Variants in HYAL4 observed in about 807,000 individuals in gnomAD.
The protein encoded by HYAL4 is hyaluronidase-4.
HYAL4 carries 37 observed loss-of-function variants against 35.2 expected under a neutral mutation model. The observed-to-expected ratio is 1.05, with a 90% CI of 0.81 to 1.38. HYAL4 has a LOEUF of 1.38. HYAL4 is among the 40% of genes most tolerant of loss of function. The pLI, the probability that HYAL4 is intolerant of heterozygous loss-of-function variation, is 0.00. For missense variants in HYAL4, 572 were observed against 572.4 expected (o/e 1.00, Z 0.01); for synonymous variants, 198 against 203.2 (o/e 0.97, Z 0.22).
chr7:123,854,891 G>C (rs1348649267), intron 2 of HYAL4, among the ~76,000 whole-genome samples: 6 of 152,188 alleles, frequency 3.9e-5, no homozygotes. Flanking sequence ...TTTGCTTTAT[G>C]AATCTGGGTG....
intron 3 of HYAL4, among the ~76,000 whole-genome samples, chr7:123,873,931 TA>T (rs1410838491): frequency 1.3e-5 from 2 of 152,114 alleles, no homozygotes; most frequent in African/African-American, 4.8e-5. Flanking sequence ...GGGACAAATA[TA>T]AAAGCTGGAC....
the HYAL4 span, chr7:123,790,606 T>TTAA: frequency 6.7e-6 from 1 of 149,276 alleles, no homozygotes; most frequent in African/African-American, 2.5e-5. Flanking sequence ...TTTTTTTTTT[T>TTAA]AAATATGGAA....
intron 1 of HYAL4, among the ~76,000 whole-genome samples, chr7:123,837,574 G>A (rs189436004): frequency 1.1e-3 from 165 of 151,928 alleles, no homozygotes; most frequent in African/African-American, 3.7e-3. Flanking sequence ...TGTGCACAAC[G>A]TGCAAATTAG....
At chr7:123,770,686 T>C in the HYAL4 span, among the ~76,000 whole-genome samples, 3 of 151,914 alleles carry the variant, frequency 2.0e-5, no homozygotes, top group Admixed American at 2.0e-4. Context: ...CTAGAGTACG[T>C]TGGGGTCAGA....
At chr7:123,772,651 A>T in the HYAL4 span, among the ~76,000 whole-genome samples, 1 of 152,248 alleles carries the variant, frequency 6.6e-6, no homozygotes, top group African/African-American at 2.4e-5. Context: ...CAAAGCAGCA[A>T]TCCAATTATC....
At chr7:123,776,506 C>T in the HYAL4 span, among the ~76,000 whole-genome samples, 12 of 152,202 alleles carry the variant, frequency 7.9e-5, no homozygotes, top group East Asian at 1.2e-3. Context: ...CTCAAACTTC[C>T]GGGCTCAAGT....
chr7:123,787,324 TC>T, the HYAL4 span, among the ~76,000 whole-genome samples: 1 of 151,996 alleles, frequency 6.6e-6, no homozygotes, highest in African/African-American at 2.4e-5. Flanking sequence ...TTTTTTTTTT[TC>T]TGTGACAGGT....
chr7:123,786,923 C>T, the HYAL4 span, among the ~76,000 whole-genome samples: 7 of 151,676 alleles, frequency 4.6e-5, no homozygotes, highest in Non-Finnish European at 1.0e-4. Flanking sequence ...GCCTGGCTTA[C>T]GTGGCAAAAA....
the HYAL4 span, among the ~76,000 whole-genome samples, chr7:123,804,483 G>A: frequency 3.3e-5 from 5 of 152,078 alleles, no homozygotes; most frequent in African/African-American, 9.7e-5. Context: ...CCTTAATTTT[G>A]TCTATCTTTT....
At chr7:123,855,035 G>A (rs913601372) in intron 2 of HYAL4, among the ~76,000 whole-genome samples, 5 of 152,026 alleles carry the variant, frequency 3.3e-5, no homozygotes, top group African/African-American at 9.7e-5. Flanking sequence ...CAGAGACTAG[G>A]AATGCAACCC....
chr7:123,774,867 A>G, the HYAL4 span, among the ~76,000 whole-genome samples: 1 of 152,286 alleles, frequency 6.6e-6, no homozygotes, highest in South Asian at 2.1e-4. Context: ...AACCAAATTT[A>G]AGTCTCAGTT....
At chr7:123,875,678 A>G (rs534585954) in intron 4 of HYAL4, among the ~76,000 whole-genome samples, 25 of 151,806 alleles carry the variant, frequency 1.6e-4, no homozygotes, top group African/African-American at 5.8e-4. Flanking sequence ...AAAAAGAAAA[A>G]AAAAAGATTT....
At chr7:123,774,490 C>G in the HYAL4 span, among the ~76,000 whole-genome samples, 1 of 151,984 alleles carries the variant, frequency 6.6e-6, no homozygotes, top group Non-Finnish European at 1.5e-5. Flanking sequence ...GCCTCTGTTA[C>G]CATCCTAGAC....
chr7:123,800,793 A>T, the HYAL4 span, among the ~76,000 whole-genome samples: 1 of 151,664 alleles, frequency 6.6e-6, no homozygotes, highest in African/African-American at 2.4e-5. Context: ...AGTAGCTGGG[A>T]TTACAGGCAC....
At chr7:123,807,365 GTCA>G in the HYAL4 span, among the ~76,000 whole-genome samples, 2 of 150,028 alleles carry the variant, frequency 1.3e-5, no homozygotes, top group African/African-American at 2.5e-5. Context: ...AATGCTGGAT[GTCA>G]TCATTAGAGT....
chr7:123,853,741 T>C (rs1806366150), intron 2 of HYAL4, among the ~76,000 whole-genome samples: 1 of 152,212 alleles, frequency 6.6e-6, no homozygotes, highest in South Asian at 2.1e-4. Flanking sequence ...GCTGGCCTCA[T>C]AAAATGAGTT....
chr7:123,773,448 T>A, the HYAL4 span, among the ~76,000 whole-genome samples: 1 of 152,236 alleles, frequency 6.6e-6, no homozygotes, highest in Non-Finnish European at 1.5e-5. Context: ...TACCTGAAAT[T>A]ACATTATTGG....
intron 3 of HYAL4, among the ~76,000 whole-genome samples, chr7:123,873,881 A>T (rs1806944455): frequency 6.6e-6 from 1 of 152,330 alleles, no homozygotes; most frequent in South Asian, 2.1e-4. Flanking sequence ...AATAAAACCC[A>T]TTAGGTCAGG....
At chr7:123,849,211 G>C (rs1020299772) in intron 2 of HYAL4, among the ~76,000 whole-genome samples, 5 of 151,996 alleles carry the variant, frequency 3.3e-5, no homozygotes, top group African/African-American at 1.2e-4. Context: ...AAAATTATGA[G>C]ATAATAAAAC....
Sources: allele counts gnomAD v4.1 joint callset (sites outside exome capture counted in the v4.1 genomes callset), GRCh38; gene constraint gnomAD v4.1.1; transcripts MANE v1.5; gene names NCBI Gene and HGNC (gene_info 2026-07-23, HGNC 2026-07-21).